Variants in MIA2 observed in about 807,000 individuals in gnomAD.
MIA2 encodes melanoma inhibitory activity protein 2.
Under a neutral mutation model 167.8 loss-of-function variants are expected in MIA2, and 127 were observed. The ratio of observed to expected loss-of-function variants is 0.76; its 90% CI spans 0.66 to 0.88. MIA2 has a LOEUF of 0.88. MIA2 is among the 40% of genes least tolerant of loss of function. The pLI is 0.00. For synonymous variants in MIA2, 552 were observed against 541.9 expected, an observed-to-expected ratio of 1.02 and a Z score of -0.26; for missense variants, 1,690 against 1,624.7, an observed-to-expected ratio of 1.04 and a Z score of -0.69.
At chr14:39,326,662 T>C (rs1054623828) in intron 24 of MIA2, among the ~76,000 whole-genome samples, 2 of 149,822 alleles carry the variant, frequency 1.3e-5, no homozygotes, top group African/African-American at 4.9e-5. Flanking sequence ...TATTATATTT[T>C]TTATTTAATC....
At chr14:39,258,843 T>A (rs1270141115) in intron 6 of MIA2, among the ~76,000 whole-genome samples, 1 of 152,206 alleles carries the variant, frequency 6.6e-6, no homozygotes, top group Non-Finnish European at 1.5e-5. Context: ...AGGCCCCTCT[T>A]CTGCAGGTCT....
chr14:39,248,356 G>A (rs2054402675), intron 4 of MIA2, among the ~76,000 whole-genome samples: 1 of 151,236 alleles, frequency 6.6e-6, no homozygotes, highest in African/African-American at 2.4e-5. Context: ...GATGCTCCAA[G>A]AAAATCTTAA....
At chr14:39,314,205 A>T (rs144231002) in intron 19 of MIA2, among the ~76,000 whole-genome samples, 6,235 of 152,004 alleles carry the variant, frequency 0.041, 423 homozygotes, top group African/African-American at 0.14. Flanking sequence ...GGTCAACATG[A>T]TGAAACCCCA....
intron 25 of MIA2, among the ~76,000 whole-genome samples, chr14:39,328,401 C>T (rs1008866321): frequency 1.3e-5 from 2 of 152,084 alleles, no homozygotes; most frequent in African/African-American, 2.4e-5. Flanking sequence ...AAAATTTTCT[C>T]CCATTCTGTA....
intron 25 of MIA2, among the ~76,000 whole-genome samples, chr14:39,331,771 A>G (rs1398522889): frequency 1.3e-5 from 2 of 152,184 alleles, no homozygotes; most frequent in Non-Finnish European, 2.9e-5. Context: ...AGAATATTGC[A>G]TATTGGCCCC....
chr14:39,351,280 A>G (rs2074361076), downstream of MIA2: 1 of 151,748 alleles, frequency 6.6e-6, no homozygotes, highest in Admixed American at 6.6e-5. Context: ...AAGCAGTGAT[A>G]TATATTGGAA....
chr14:39,387,182 GA>G (rs1033987766), exon 24 of MIA2: 2 of 456,242 alleles, frequency 4.4e-6, no homozygotes, highest in African/African-American at 2.0e-5. Context: ...AGCTACCATA[GA>G]TAGTATTTCA....
chr14:39,352,229 A>C (rs1357721859), downstream of MIA2, among the ~76,000 whole-genome samples: 1 of 139,350 alleles, frequency 7.2e-6, no homozygotes, highest in East Asian at 2.1e-4. Flanking sequence ...GAATACTTTC[A>C]TCATGGAGGC....
chr14:39,240,661 T>G lies in MIA2; in HGVS notation c.336+14T>G. On this transcript the variant is annotated intron_variant, in intron 3 of 28. Transcript: ENST00000640607. ...ATGTCAACGAAAGTGAGTAAACTCA[T>G]TCTCAGTTGTTAATTGAATTTAAAA... 6.3e-7 allele frequency: 1 copy of G among 1,575,798 alleles called. No individual in the cohort carries two copies. The highest frequency in any genetic ancestry group is 8.7e-7 in the Non-Finnish European group (1 of 1,147,564).
rs201823663 is a variant in MIA2, at chr14:39,342,016, TA to T, written c.3656-3878del. Reference sequence around the variant, plus strand: ...TTGGTGAACAACACAAATTGAGATTTAAAAAAAAAATTTTATTATACTCTAA... The same window carrying T: ...TTGGTGAACAACACAAATTGAGATTTAAAAAAAAATTTTATTATACTCTAA... On this transcript the variant is annotated intron_variant, in intron 25 of 28. Transcript: ENST00000640607. Among the ~76,000 whole-genome samples, 285 of 151,188 alleles carry T rather than the reference TA, an allele frequency of 1.9e-3. 1 individual carries two copies. Among genetic ancestry groups the T allele is most frequent in the African/African-American group, 5.8e-3 (239 of 41,284 alleles).
chr14:39,274,155 T>G (rs1420781599), intron 6 of MIA2, among the ~76,000 whole-genome samples: 1 of 152,224 alleles, frequency 6.6e-6, no homozygotes, highest in Non-Finnish European at 1.5e-5. Context: ...AAGTGTTCTG[T>G]GATTAATCAC....
intron 6 of MIA2, among the ~76,000 whole-genome samples, chr14:39,267,885 G>T (rs905604405): frequency 2.0e-5 from 3 of 152,118 alleles, no homozygotes; most frequent in African/African-American, 7.2e-5. Flanking sequence ...CTTGAGGACT[G>T]TTCCTTTAAA....
intron 20 of MIA2, 57 bp downstream of exon 20, chr14:39,314,856 A>G (rs1300421270): frequency 8.5e-7 from 1 of 1,170,354 alleles, no homozygotes; most frequent in African/African-American, 1.6e-5. Flanking sequence ...ATAATTTAAA[A>G]CAATTCTGAT....
downstream of MIA2, among the ~76,000 whole-genome samples, chr14:39,355,908 G>T (rs552941008): frequency 6.6e-6 from 1 of 152,190 alleles, no homozygotes; most frequent in Non-Finnish European, 1.5e-5. Context: ...AAGCCTATTT[G>T]ATCATGGTGG....
At chr14:39,341,747 G>A (rs567053520) in intron 25 of MIA2, among the ~76,000 whole-genome samples, 7 of 152,240 alleles carry the variant, frequency 4.6e-5, no homozygotes, top group African/African-American at 1.4e-4. Context: ...ATAGGGCATT[G>A]TTGAGCATCA....
chr14:39,236,941 A>G lies in MIA2; in HGVS notation c.135A>G (p.Ser45=), dbSNP rs7159857. 1.3e-3 allele frequency: 2,018 copies of G among 1,612,804 alleles called. 36 individuals are homozygous for G. The African/African-American group carries it at 0.024, about 19-fold the overall frequency. The change falls in exon 2 of 29, where the codon TCA becomes TCG. Residue 45 remains serine, a synonymous_variant. Transcript: ENST00000640607. ...LECEALINRV[S]AMRDYRGPDC... ...ACATAGCTTTAATAAACAGAGTCTC[A>G]GCCATGAGAGATTATAGAGGACCTG...
intron 23 of MIA2, among the ~76,000 whole-genome samples, chr14:39,369,490 G>A (rs930979133): frequency 3.3e-5 from 5 of 152,194 alleles, no homozygotes; most frequent in Admixed American, 3.3e-4. Context: ...CACATCTTCA[G>A]GTTCCATCAG....
At position 39,315,674 on chromosome 14, in the gene MIA2, C is replaced by G. The variant is rs1423542515; in HGVS notation, c.3181-9C>G. 6.5e-7 allele frequency: 1 copy of G among 1,547,314 alleles called. No homozygotes were observed. The highest frequency in any genetic ancestry group is 8.8e-7 in the Non-Finnish European group (1 of 1,131,746). On this transcript the variant is annotated splice_polypyrimidine_tract_variant and intron_variant, in intron 20 of 28. Transcript: ENST00000640607. ...TGGTCAGTAGCATTTTAATTACTTT[C>G]TTTTTCAGATTATTTCCCATGAGAA...
intron 28 of MIA2, among the ~76,000 whole-genome samples, 198 bp from the exon 29 acceptor site, chr14:39,349,900 G>A (rs1374724051): frequency 4.6e-5 from 7 of 151,994 alleles, no homozygotes; most frequent in Admixed American, 3.9e-4. Flanking sequence ...AAAAATTAAT[G>A]ATATTTCCTT....
Sources: gnomAD v4.1 joint callset for allele counts (sites outside exome capture counted in the v4.1 genomes callset) on GRCh38, gnomAD v4.1.1 for gene constraint, MANE v1.5 for transcripts, NCBI Gene and HGNC (gene_info 2026-07-23, HGNC 2026-07-21) for gene names.